RICTOR: variants seen among roughly 807,000 people sequenced by gnomAD.
RICTOR encodes rapamycin-insensitive companion of mTOR.
A neutral mutation model predicts 214.9 loss-of-function variants in RICTOR; 49 were observed. That is an observed-to-expected ratio of 0.23 (90% CI 0.18 to 0.29). RICTOR has a LOEUF of 0.29. Among genes scored for constraint, RICTOR ranks in the 10% least tolerant of loss-of-function variants. RICTOR has a pLI of 1.00. For missense variants in RICTOR, 1,625 were observed against 2,047.0 expected (o/e 0.79, Z 3.98); for synonymous variants, 717 against 711.3 (o/e 1.01, Z -0.13).
Position 38,950,727 on chromosome 5 carries a change from T to A in RICTOR, c.3128-7A>T. The A allele has an allele frequency of 6.5e-7, 1 of 1,549,376 alleles. No individual in the cohort carries two copies. Among genetic ancestry groups the A allele is most frequent in the South Asian group, 1.2e-5 (1 of 82,112 alleles). ...TCCTCCAATATGAACATACCTATGA[T>A]TGAAGGATCAATTAATAAAAACACA... On this transcript the variant is annotated splice_polypyrimidine_tract_variant and splice_region_variant and intron_variant, in intron 30 of 37. Transcript: ENST00000357387.
intron 3 of RICTOR, among the ~76,000 whole-genome samples, chr5:39,004,955 A>G (rs960055887): frequency 6.6e-6 from 1 of 151,696 alleles, no homozygotes; most frequent in Non-Finnish European, 1.5e-5. Context: ...CTAATTTTGT[A>G]TTTTTAGTAG....
chr5:38,963,033 C>T lies in RICTOR; in HGVS notation c.1409G>A (p.Ser470Asn), dbSNP rs1383331108. Residue 470 changes from serine to asparagine, a missense_variant, in exon 17 of 38, where the codon AGT becomes AAT. Physicochemically the swap from Ser to Asn is conservative, Grantham distance 46. This residue lies in a region of RICTOR where 1,214 missense variants were observed against 1,470.5 expected (regional missense o/e 0.83). Coordinates refer to ENST00000357387, the MANE Select transcript of RICTOR (RefSeq NM_152756.5). Reference sequence around the variant, plus strand: ...GCGTTTTAAACAGTTCAAGGCTGCACTGGCTCGCCTAATGAGAAAAACAAT... The same window carrying T: ...GCGTTTTAAACAGTTCAAGGCTGCATTGGCTCGCCTAATGAGAAAAACAAT... ...DIPKEKRLRA[S>N]AALNCLKRFH... 2 of 1,607,380 alleles carry T rather than the reference C, an allele frequency of 1.2e-6. No individual in the cohort carries two copies. The highest frequency in any genetic ancestry group is 1.7e-5 in the Admixed American group (1 of 59,682).
intron 27 of RICTOR, among the ~76,000 whole-genome samples, chr5:38,954,031 A>G (rs1749022961): frequency 6.6e-6 from 1 of 151,878 alleles, no homozygotes; most frequent in Non-Finnish European, 1.5e-5. Flanking sequence ...GTTAATATGA[A>G]AATACTTGTC....
chr5:38,968,056 A>C lies in RICTOR; in HGVS notation c.973-26T>G, dbSNP rs1356065871. 2.0e-5 allele frequency: 25 copies of C among 1,243,698 alleles called. No homozygotes were observed. The Middle Eastern group carries it at 6.4e-4, about 32-fold the overall frequency. 77.0% of individuals were successfully genotyped at this position (1,243,698 alleles called of 1,614,324 possible). A position where few individuals can be genotyped will look rare whatever the true frequency, so the allele number is the denominator to read the frequency against. On this transcript the variant is annotated intron_variant, in intron 11 of 37. Coordinates refer to ENST00000357387, the MANE Select transcript of RICTOR (RefSeq NM_152756.5). ...CTAAATTAGCAAACAAATACACCTCATTTATTTTTATGAAACACTTTTAAG... is the reference window on the plus strand; with the variant it reads ...CTAAATTAGCAAACAAATACACCTCCTTTATTTTTATGAAACACTTTTAAG...
At chr5:39,041,346 G>A (rs887601729) in intron 2 of RICTOR, among the ~76,000 whole-genome samples, 5 of 152,146 alleles carry the variant, frequency 3.3e-5, no homozygotes, top group African/African-American at 9.7e-5. Context: ...TGAAAATGGA[G>A]CTAGATTCCA....
intron 2 of RICTOR, among the ~76,000 whole-genome samples, chr5:39,051,734 C>T (rs943731324): frequency 1.3e-5 from 2 of 149,646 alleles, no homozygotes; most frequent in African/African-American, 2.5e-5. Context: ...GCCTGGGCAA[C>T]GGAGCCAGAC....
At chr5:38,944,045 C>G (rs1284341674) in intron 36 of RICTOR, among the ~76,000 whole-genome samples, 1 of 152,030 alleles carries the variant, frequency 6.6e-6, no homozygotes, top group African/African-American at 2.4e-5. Context: ...CCATTAACTA[C>G]TATATTAGAA....
chr5:39,054,721 C>CCT (rs1278085803), intron 2 of RICTOR, among the ~76,000 whole-genome samples: 1 of 152,164 alleles, frequency 6.6e-6, no homozygotes, highest in Non-Finnish European at 1.5e-5. Context: ...TATCTTGTAA[C>CCT]CTCAACCTTC....
At chr5:38,945,410 A>G in intron 34 of RICTOR, 81 bp downstream of exon 34, 1 of 935,036 alleles carries the variant, frequency 1.1e-6, no homozygotes, top group South Asian at 1.6e-5. Flanking sequence ...GAATTAGAAT[A>G]CCAAAAAGAA....
chr5:38,952,449 A>C lies in RICTOR; in HGVS notation c.2898-24T>G, dbSNP rs770752926. On this transcript the variant is annotated intron_variant, in intron 29 of 37. Coordinates refer to ENST00000357387, the MANE Select transcript of RICTOR (RefSeq NM_152756.5). Reference sequence around the variant, plus strand: ...TCCTGTATATAAAAGATGCAGTAAAAACAGTTATAATTCCAAGCTGAGATT... The same window carrying C: ...TCCTGTATATAAAAGATGCAGTAAACACAGTTATAATTCCAAGCTGAGATT... 49 of 1,446,264 alleles carry C rather than the reference A, an allele frequency of 3.4e-5. No individual in the cohort carries two copies. Among genetic ancestry groups the C allele is most frequent in the Non-Finnish European group, 4.7e-5 (48 of 1,031,278 alleles). 89.6% of individuals were successfully genotyped at this position (1,446,264 alleles called of 1,614,324 possible).
chr5:38,987,160 A>T (rs1752236576), intron 7 of RICTOR, among the ~76,000 whole-genome samples: 1 of 152,174 alleles, frequency 6.6e-6, no homozygotes, highest in Admixed American at 6.5e-5. Context: ...ATCGATTTTC[A>T]TCAGGGATAT....
chr5:38,942,625 A>G (rs956647773), intron 37 of RICTOR, among the ~76,000 whole-genome samples: 1 of 151,536 alleles, frequency 6.6e-6, no homozygotes, highest in Non-Finnish European at 1.5e-5. Context: ...TAATTAAAAA[A>G]AAAAAAAAAC....
At chr5:39,054,643 T>C (rs1016510481) in intron 2 of RICTOR, among the ~76,000 whole-genome samples, 2 of 152,194 alleles carry the variant, frequency 1.3e-5, no homozygotes, top group East Asian at 3.9e-4. Context: ...ACCTTAACCA[T>C]CCATTCAGTC....
intron 5 of RICTOR, among the ~76,000 whole-genome samples, chr5:39,000,261 T>C (rs921064895): frequency 1.3e-5 from 2 of 151,964 alleles, no homozygotes; most frequent in African/African-American, 4.8e-5. Context: ...ATATCTTACA[T>C]ATATTTTCCA....
chr5:39,044,364 T>G (rs1177011350), intron 2 of RICTOR, among the ~76,000 whole-genome samples: 1 of 152,196 alleles, frequency 6.6e-6, no homozygotes, highest in African/African-American at 2.4e-5. Flanking sequence ...ACTATGCTTC[T>G]TAAATTGACT....
At chr5:39,037,401 A>G (rs1189617815) in intron 2 of RICTOR, among the ~76,000 whole-genome samples, 1 of 152,094 alleles carries the variant, frequency 6.6e-6, no homozygotes, top group Non-Finnish European at 1.5e-5. Context: ...CATCACAATT[A>G]AAAGAACTAG....
intron 2 of RICTOR, among the ~76,000 whole-genome samples, chr5:39,025,731 A>G (rs2150142578): frequency 6.6e-6 from 1 of 152,236 alleles, no homozygotes. Flanking sequence ...CCCTTTTTAT[A>G]AGGGCACTAA....
Position 38,964,814 on chromosome 5 carries a change from C to A in RICTOR, c.1378G>T (p.Asp460Tyr). 1.3e-6 allele frequency: 2 copies of A among 1,593,594 alleles called. No homozygotes were observed. The highest frequency in any genetic ancestry group is 8.6e-7 in the Non-Finnish European group (1 of 1,165,076). Residue 460 changes from aspartate to tyrosine, a missense_variant, in exon 16 of 38, where the codon GAT (aspartate) becomes TAT (tyrosine). Asp to Tyr is a radical substitution (Grantham distance 160). Around this residue, in one of 5 missense-constraint regions of RICTOR, gnomAD observed 1,214 missense variants for 1,470.5 expected, o/e 0.83. Transcript: ENST00000357387. ...PTLMNMAASFDIPKEKRLRAS... is the reference protein window; with the variant it reads ...PTLMNMAASFYIPKEKRLRAS... ...TACAGTCTCTTTTCCTTGGGGATAT[C>A]AAAGGATGCAGCCATATTCATTAGG... is the stretch of plus-strand genomic sequence containing the variant.
chr5:39,040,638 T>C (rs932787418), intron 2 of RICTOR, among the ~76,000 whole-genome samples: 3 of 151,996 alleles, frequency 2.0e-5, no homozygotes, highest in African/African-American at 7.2e-5. Flanking sequence ...GTTAACACTA[T>C]CAATAGACTG....
Sources: allele counts gnomAD v4.1 joint callset (sites outside exome capture counted in the v4.1 genomes callset), GRCh38; gene constraint gnomAD v4.1.1; regional missense constraint gnomAD v4.1.1; transcripts MANE v1.5; gene names NCBI Gene and HGNC (gene_info 2026-07-23, HGNC 2026-07-21).